Variants in MACROD2 observed in about 807,000 individuals in gnomAD.
MACROD2 encodes the protein ADP-ribose glycohydrolase MACROD2.
In MACROD2, 36 loss-of-function variants were observed where a neutral mutation model predicts 70.4. That is an observed-to-expected ratio of 0.51 (90% CI 0.39 to 0.68). The LOEUF is 0.68. MACROD2 is among the 30% of genes least tolerant of loss of function. The probability of loss-of-function intolerance (pLI) is 0.00; values close to 1 mark genes in which losing one functional copy is unlikely to be tolerated. For missense variants in MACROD2, 496 were observed against 538.4 expected (o/e 0.92, Z 0.78); for synonymous variants, 172 against 178.8 (o/e 0.96, Z 0.30).
intron 5 of MACROD2, among the ~76,000 whole-genome samples, chr20:14,971,151 A>T (rs909701116): frequency 2.6e-5 from 4 of 152,208 alleles, no homozygotes; most frequent in African/African-American, 9.6e-5. Context: ...AACAAAGTGT[A>T]AATACTATAC....
intron 6 of MACROD2, among the ~76,000 whole-genome samples, chr20:15,395,736 G>C (rs2045851902): frequency 2.0e-5 from 3 of 152,162 alleles, no homozygotes; most frequent in Non-Finnish European, 4.4e-5. Context: ...CAGATGAATA[G>C]AACTTTGTTC....
At chr20:14,314,007 TC>T (rs1213824600) in intron 3 of MACROD2, among the ~76,000 whole-genome samples, 5 of 152,324 alleles carry the variant, frequency 3.3e-5, no homozygotes, top group African/African-American at 1.2e-4. Context: ...GAAACACTGT[TC>T]CTGGTGCTTA....
Position 14,527,710 on chromosome 20 carries a change from G to A in MACROD2, c.301+34202G>A, listed in dbSNP as rs148342174. On this transcript the variant is annotated intron_variant, in intron 4 of 17. Coordinates refer to ENST00000684519, the MANE Select transcript of MACROD2 (RefSeq NM_001351661.2). ...GTTTTACATTAAAATAGCAAAGAAAGAGTACATGTCTAGAAAACTATTTCT... is the reference window on the plus strand; with the variant it reads ...GTTTTACATTAAAATAGCAAAGAAAAAGTACATGTCTAGAAAACTATTTCT... 3.5e-3 allele frequency among the ~76,000 whole-genome samples: 540 copies of A among 152,336 alleles called. 12 individuals are homozygous for A. The highest frequency in any genetic ancestry group is 0.033 in the Admixed American group (500 of 15,308).
At chr20:14,199,522 A>C (rs1030511949) in intron 3 of MACROD2, among the ~76,000 whole-genome samples, 1 of 152,224 alleles carries the variant, frequency 6.6e-6, no homozygotes, top group Non-Finnish European at 1.5e-5. Flanking sequence ...TATACTCTTA[A>C]TTTATGCTAC....
intron 5 of MACROD2, among the ~76,000 whole-genome samples, chr20:15,138,845 A>T (rs866221077): frequency 2.0e-4 from 31 of 152,286 alleles, no homozygotes; most frequent in Middle Eastern, 3.4e-3. Flanking sequence ...TTTCTATCAC[A>T]CTTGAACTTC....
intron 5 of MACROD2, among the ~76,000 whole-genome samples, chr20:14,941,647 A>G (rs565886256): frequency 6.6e-6 from 1 of 152,238 alleles, no homozygotes; most frequent in African/African-American, 2.4e-5. Context: ...GCTGGTAAAA[A>G]ACTAGGTGCT....
intron 5 of MACROD2, among the ~76,000 whole-genome samples, chr20:15,224,228 G>C (rs1417076967): frequency 6.6e-6 from 1 of 152,200 alleles, no homozygotes; most frequent in Non-Finnish European, 1.5e-5. Flanking sequence ...GGTGGTTGCT[G>C]TGTTAAACCA....
intron 8 of MACROD2, among the ~76,000 whole-genome samples, chr20:15,604,557 G>A (rs1489077109): frequency 6.6e-6 from 1 of 152,160 alleles, no homozygotes; most frequent in African/African-American, 2.4e-5. Flanking sequence ...CCAGCTGTAG[G>A]CTCAACCACA....
intron 3 of MACROD2, chr20:14,329,110 A>G (rs746727037): frequency 6.6e-6 from 1 of 152,106 alleles, no homozygotes; most frequent in African/African-American, 2.4e-5. Flanking sequence ...TTTGTACAGT[A>G]GCTACATCCT....
Position 15,191,931 on chromosome 20 carries a change from T to TATATATAGAGAGAGAG in MACROD2, c.419-38008_419-38007insTATATAGAGAGAGAGA, listed in dbSNP as rs150210305. On this transcript the variant is annotated intron_variant, in intron 5 of 17. Coordinates refer to ENST00000684519, the MANE Select transcript of MACROD2 (RefSeq NM_001351661.2). ...ACACATATGTGTATATATATATATA[T>TATATATAGAGAGAGAG]AGAGAGAGAGAGAGTTAATACATAT... Among the ~76,000 whole-genome samples, 125 of 142,374 alleles carry TATATATAGAGAGAGAG rather than the reference T, an allele frequency of 8.8e-4. 2 individuals carry two copies. Among genetic ancestry groups the TATATATAGAGAGAGAG allele is most frequent in the Middle Eastern group, 3.6e-3 (1 of 276 alleles). The allele number at this position is 142,374 out of a possible 152,430, so 93.4% of individuals were successfully genotyped here. A position where few individuals can be genotyped will look rare whatever the true frequency, so the allele number is the denominator to read the frequency against.
At chr20:15,952,763 T>G (rs2065923530) in intron 12 of MACROD2, among the ~76,000 whole-genome samples, 2 of 152,096 alleles carry the variant, frequency 1.3e-5, no homozygotes, top group African/African-American at 4.8e-5. Context: ...CTTCCAGAGA[T>G]GGATGATATT....
At chr20:15,180,355 G>A (rs1368345842) in intron 5 of MACROD2, among the ~76,000 whole-genome samples, 1 of 152,228 alleles carries the variant, frequency 6.6e-6, no homozygotes, top group Non-Finnish European at 1.5e-5. Flanking sequence ...TAGAAATTTA[G>A]ATGGGGTATA....
chr20:14,122,075 G>A (rs2148693035), intron 3 of MACROD2, among the ~76,000 whole-genome samples: 1 of 152,036 alleles, frequency 6.6e-6, no homozygotes. Context: ...GGTCTTTTTG[G>A]ATAATACAGT....
chr20:15,766,915 A>C (rs1321547158), intron 8 of MACROD2, among the ~76,000 whole-genome samples: 2 of 152,288 alleles, frequency 1.3e-5, no homozygotes, highest in Admixed American at 1.3e-4. Flanking sequence ...GAAGGGATCC[A>C]CCTAGCCAGA....
intron 3 of MACROD2, among the ~76,000 whole-genome samples, chr20:14,140,335 A>G (rs189788863): frequency 4.6e-5 from 7 of 152,342 alleles, no homozygotes; most frequent in Admixed American, 6.5e-5. Context: ...AAAACATGTA[A>G]ATGATAAACT....
At chr20:15,257,543 A>G (rs907428229) in intron 6 of MACROD2, among the ~76,000 whole-genome samples, 1 of 152,046 alleles carries the variant, frequency 6.6e-6, no homozygotes, top group Non-Finnish European at 1.5e-5. Flanking sequence ...CCTGCATAAC[A>G]ATGTTTTGGT....
chr20:14,330,647 C>T (rs912184897), intron 3 of MACROD2, among the ~76,000 whole-genome samples: 1 of 152,016 alleles, frequency 6.6e-6, no homozygotes, highest in African/African-American at 2.4e-5. Context: ...ATTATTTACG[C>T]AACTTGAAAC....
intron 5 of MACROD2, among the ~76,000 whole-genome samples, chr20:14,917,683 G>T (rs1043038301): frequency 6.6e-6 from 1 of 152,088 alleles, no homozygotes; most frequent in Non-Finnish European, 1.5e-5. Context: ...TCATGGAGGA[G>T]AACCAGGACA....
intron 5 of MACROD2, among the ~76,000 whole-genome samples, chr20:14,715,838 A>C (rs947753387): frequency 6.6e-6 from 1 of 152,234 alleles, no homozygotes; most frequent in Admixed American, 6.5e-5. Context: ...ATACAAAGAC[A>C]ATACAGCTCC....
Sources: allele counts gnomAD v4.1 joint callset (sites outside exome capture counted in the v4.1 genomes callset), GRCh38; gene constraint gnomAD v4.1.1; transcripts MANE v1.5; gene names NCBI Gene and HGNC (gene_info 2026-07-23, HGNC 2026-07-21).